The following CTPS1 variants were observed in gnomAD, a reference collection of about 807,000 sequenced individuals.
CTPS1 encodes CTP synthetase 1.
A neutral mutation model predicts 80.5 loss-of-function variants in CTPS1; 25 were observed. That is an observed-to-expected ratio of 0.31 (90% CI 0.23 to 0.43). The LOEUF is 0.43. CTPS1 is among the 20% of genes least tolerant of loss of function. The pLI is 1.00. For synonymous variants in CTPS1, 267 were observed against 252.5 expected (o/e 1.06, Z -0.54); for missense variants, 442 against 725.7 (o/e 0.61, Z 4.49).
intron 13 of CTPS1, 102 bp downstream of exon 13, chr1:41,006,196 C>T (rs1643029637): frequency 9.9e-7 from 1 of 1,009,368 alleles, no homozygotes; most frequent in African/African-American, 1.6e-5. Context: ...CTGCTTGAGT[C>T]CATCCCAAAG....
intron 13 of CTPS1, among the ~76,000 whole-genome samples, chr1:41,006,546 G>A (rs560975560): frequency 3.3e-5 from 5 of 152,290 alleles, no homozygotes; most frequent in Middle Eastern, 3.4e-3. Flanking sequence ...TGGCTTAACC[G>A]TATCCAAAGA....
chr1:40,981,310 C>T (rs1250724450), intron 1 of CTPS1: 1 of 152,146 alleles, frequency 6.6e-6, no homozygotes, highest in African/African-American at 2.4e-5. Context: ...TTGCCAGGCA[C>T]TGAGACTGCA....
chr1:40,996,081 TGAG>T lies in CTPS1; in HGVS notation c.872+17_872+19del, dbSNP rs1304306160. 6.2e-7 allele frequency: 1 copy of T among 1,614,030 alleles called. No individual in the cohort carries two copies. ...AGATGGCTGACAGGTTTGCCTGCAA[TGAG>T]GAGCTGGGAGTGCTAGCCTCCTTTA... On this transcript the variant is annotated intron_variant, in intron 8 of 18. Coordinates refer to ENST00000650070, the MANE Select transcript of CTPS1 (RefSeq NM_001905.4).
chr1:40,992,730 G>A (rs1642645836), intron 7 of CTPS1, among the ~76,000 whole-genome samples: 3 of 139,428 alleles, frequency 2.2e-5, no homozygotes, highest in Admixed American at 1.5e-4. Flanking sequence ...TCGCTGTGTC[G>A]CCCAGGCTGG....
At chr1:41,009,250 G>T (rs1347880578) in intron 16 of CTPS1, among the ~76,000 whole-genome samples, 195 bp from the exon 17 acceptor site, 2 of 152,202 alleles carry the variant, frequency 1.3e-5, no homozygotes, top group African/African-American at 4.8e-5. Context: ...GCCAGGAGGG[G>T]ACAGCACAAA....
At chr1:41,009,362 C>CA in intron 16 of CTPS1, 83 bp from the exon 17 acceptor site, 1 of 1,382,054 alleles carries the variant, frequency 7.2e-7, no homozygotes, top group Non-Finnish European at 9.8e-7. Flanking sequence ...CCTATGGAAA[C>CA]AAACATTTAA....
chr1:41,004,302 A>T (rs758319717), intron 12 of CTPS1: 2 of 152,230 alleles, frequency 1.3e-5, no homozygotes, highest in Non-Finnish European at 2.9e-5. Flanking sequence ...TGGCCAGCAT[A>T]TGGTTTAGGG....
intron 16 of CTPS1, 54 bp downstream of exon 16, chr1:41,008,944 A>G: frequency 1.5e-6 from 2 of 1,330,508 alleles, no homozygotes; most frequent in African/African-American, 1.4e-5. Flanking sequence ...TTTTCTTGGC[A>G]TATGGGAAAA....
intron 8 of CTPS1, 111 bp from the exon 9 acceptor site, chr1:40,997,283 T>C: frequency 7.7e-7 from 1 of 1,299,878 alleles, no homozygotes; most frequent in Non-Finnish European, 1.1e-6. Context: ...ATTATGGGCG[T>C]GAGCTCATCC....
Position 41,011,914 on chromosome 1 carries a change from G to C in CTPS1, c.*266G>C, listed in dbSNP as rs1277203453. 1 of 152,180 alleles carries C rather than the reference G, an allele frequency of 6.6e-6. No individual in the cohort carries two copies. The highest frequency in any genetic ancestry group is 1.9e-4 in the East Asian group (1 of 5,188). The allele number at this position is 152,180 out of a possible 1,614,324, so 9.4% of individuals were successfully genotyped here. On this transcript the variant is annotated 3_prime_UTR_variant, in exon 19 of 19. Transcript: ENST00000650070. ...GCGATGGGAACCGATGGTGGGTGGG[G>C]CTGCAGAGTGCCCCATCGGTCACCT...
intron 9 of CTPS1, among the ~76,000 whole-genome samples, chr1:40,998,844 T>C (rs1433239980): frequency 6.6e-6 from 1 of 152,198 alleles, no homozygotes; most frequent in Non-Finnish European, 1.5e-5. Context: ...TTAGTTTGCT[T>C]TGTGCTGCTG....
chr1:40,987,523 G>T, intron 4 of CTPS1, 51 bp downstream of exon 4: 1 of 1,313,684 alleles, frequency 7.6e-7, no homozygotes, highest in Non-Finnish European at 1.1e-6. Context: ...TCCTTAGTCA[G>T]CCATCAATAA....
At chr1:40,994,051 T>C (rs1474697508) in intron 7 of CTPS1, among the ~76,000 whole-genome samples, 1 of 152,180 alleles carries the variant, frequency 6.6e-6, no homozygotes, top group Non-Finnish European at 1.5e-5. Context: ...AGTGCTGGGA[T>C]TACAGGTGTG....
intron 4 of CTPS1, among the ~76,000 whole-genome samples, chr1:40,987,841 G>A (rs1281984310): frequency 2.6e-5 from 4 of 152,322 alleles, no homozygotes; most frequent in Non-Finnish European, 5.9e-5. Context: ...CTCCTGCTGT[G>A]CTGATCCTAG....
At chr1:41,006,182 G>T in intron 13 of CTPS1, 88 bp downstream of exon 13, 1 of 1,092,648 alleles carries the variant, frequency 9.2e-7, no homozygotes, top group South Asian at 1.3e-5. Flanking sequence ...GACAAGAAGT[G>T]AGACTGCTTG....
At chr1:41,009,685 G>GA in intron 17 of CTPS1, 96 bp downstream of exon 17, 71 of 1,451,214 alleles carry the variant, frequency 4.9e-5, no homozygotes, top group Admixed American at 8.5e-5. Context: ...TCAGTCATAA[G>GA]AAAAAAAAGC....
chr1:41,003,824 C>G (rs1330317119), intron 12 of CTPS1, among the ~76,000 whole-genome samples: 2 of 152,244 alleles, frequency 1.3e-5, no homozygotes, highest in East Asian at 3.8e-4. Context: ...TGTGGTTTGG[C>G]TCAGTGCCTG....
intron 2 of CTPS1, 88 bp from the exon 3 acceptor site, chr1:40,984,733 G>A: frequency 9.5e-7 from 1 of 1,054,152 alleles, no homozygotes; most frequent in South Asian, 2.6e-5. Context: ...TGCACACCTT[G>A]TTAATGAGTG....
chr1:40,989,838 A>C (rs1160055840), intron 5 of CTPS1, among the ~76,000 whole-genome samples: 1 of 152,222 alleles, frequency 6.6e-6, no homozygotes, highest in African/African-American at 2.4e-5. Flanking sequence ...TGGAAATTAA[A>C]AATTAGATAG....
Sources: gnomAD v4.1 joint callset for allele counts (sites outside exome capture counted in the v4.1 genomes callset) on GRCh38, gnomAD v4.1.1 for gene constraint, MANE v1.5 for transcripts, NCBI Gene and HGNC (gene_info 2026-07-23, HGNC 2026-07-21) for gene names.